The following FKBP11 variants were observed in gnomAD, a reference collection of about 807,000 sequenced individuals.
FKBP11 encodes the protein FKBP prolyl isomerase 11, also known as peptidyl-prolyl cis-trans isomerase FKBP11.
FKBP11 carries 21 observed loss-of-function variants against 24.7 expected under a neutral mutation model. That is an observed-to-expected ratio of 0.85 (90% CI 0.60 to 1.23). The LOEUF is 1.23. FKBP11 is among the 50% of genes most tolerant of loss of function. The pLI is 0.00. For synonymous variants in FKBP11, 106 were observed against 100.6 expected (o/e 1.05, Z -0.32); for missense variants, 245 against 248.7 (o/e 0.99, Z 0.10).
intron 5 of FKBP11, 176 bp downstream of exon 5, chr12:48,923,606 T>C: frequency 6.4e-7 from 1 of 1,553,476 alleles, no homozygotes; most frequent in Non-Finnish European, 8.7e-7. Flanking sequence ...CTTTAGTCCC[T>C]GTTGGTGATA....
At chr12:48,930,537 A>C (rs1940034555), upstream of FKBP11, among the ~76,000 whole-genome samples, 1 of 152,220 alleles carries the variant, frequency 6.6e-6, no homozygotes, top group East Asian at 1.9e-4. Flanking sequence ...TATTACACGA[A>C]TAAACAAGAT....
chr12:48,931,345 G>A (rs1050387993), upstream of FKBP11: 258 of 1,347,402 alleles, frequency 1.9e-4, 5 homozygotes, highest in South Asian at 2.4e-3. Flanking sequence ...GGGAAGAGGA[G>A]TGGAGTAGGA....
upstream of FKBP11, chr12:48,931,347 G>A: frequency 7.4e-7 from 1 of 1,358,650 alleles, no homozygotes; most frequent in South Asian, 1.3e-5. Flanking sequence ...GAAGAGGAGT[G>A]GAGTAGGAGA....
At chr12:48,926,396 TG>T (rs1413459494), upstream of FKBP11, 2 of 151,756 alleles carry the variant, frequency 1.3e-5, no homozygotes, top group Non-Finnish European at 2.9e-5. Context: ...GGCTAATTTT[TG>T]TATTTTTAGT....
chr12:48,936,341 A>G, the FKBP11 span: 4 of 152,842 alleles, frequency 2.6e-5, no homozygotes, highest in East Asian at 1.9e-4. Context: ...AGTTACCACT[A>G]TAACACCACA....
At chr12:48,938,300 G>C in the FKBP11 span, 5 of 441,458 alleles carry the variant, frequency 1.1e-5, no homozygotes, top group South Asian at 7.9e-5. Flanking sequence ...TCAAAGACTG[G>C]GGCAGTCCGG....
At chr12:48,926,224 CTTTTTTTTT>C (rs34896547), upstream of FKBP11, 2 of 85,788 alleles carry the variant, frequency 2.3e-5, no homozygotes, top group Admixed American at 1.9e-4. Flanking sequence ...AAAGACTTCA[CTTTTTTTTT>C]TTTTTTTTTT....
chr12:48,935,715 A>G, the FKBP11 span: 4 of 152,242 alleles, frequency 2.6e-5, no homozygotes, highest in African/African-American at 9.6e-5. Flanking sequence ...AGGTCATTAC[A>G]CTGCCCAGAC....
At chr12:48,932,931 A>G in the FKBP11 span, among the ~76,000 whole-genome samples, 1 of 152,200 alleles carries the variant, frequency 6.6e-6, no homozygotes, top group African/African-American at 2.4e-5. Flanking sequence ...CCCTCTGCAT[A>G]GATAGCCAGG....
chr12:48,924,426 A>C, intron 3 of FKBP11, 135 bp downstream of exon 3: 7 of 1,140,978 alleles, frequency 6.1e-6, no homozygotes, highest in Non-Finnish European at 9.1e-6. Flanking sequence ...TGAGGTTTGA[A>C]CCTCAGGAGG....
At chr12:48,925,176 G>A (rs765271996) in intron 1 of FKBP11, 65 bp from the exon 2 acceptor site, 182 of 1,595,376 alleles carry the variant, frequency 1.1e-4, no homozygotes, top group Non-Finnish European at 1.5e-4. Context: ...CCTAGACCCG[G>A]CACCACCCCC....
At chr12:48,924,061 C>G in intron 4 of FKBP11, 162 bp downstream of exon 4, 4 of 919,726 alleles carry the variant, frequency 4.3e-6, no homozygotes, top group Non-Finnish European at 7.0e-6. Context: ...GCAAGAGGCA[C>G]AGAGGCTTTG....
the FKBP11 span, chr12:48,938,905 T>C: frequency 1.9e-5 from 31 of 1,598,094 alleles, no homozygotes; most frequent in African/African-American, 4.2e-4. Flanking sequence ...ACAGTAGGTA[T>C]GTCAGGGGTG....
At chr12:48,922,324 A>C in intron 5 of FKBP11, 123 bp from the exon 6 acceptor site, 1 of 909,676 alleles carries the variant, frequency 1.1e-6, no homozygotes. Flanking sequence ...GACAAGATTT[A>C]AATGTGGGCT....
intron 2 of FKBP11, 28 bp downstream of exon 2, chr12:48,925,018 C>A: frequency 2.0e-6 from 3 of 1,484,488 alleles, no homozygotes; most frequent in Non-Finnish European, 2.8e-6. Context: ...CCCTCCCAGG[C>A]CCCGCCCCGG....
At chr12:48,922,389 T>C in intron 5 of FKBP11, 188 bp from the exon 6 acceptor site, 1 of 689,668 alleles carries the variant, frequency 1.4e-6, no homozygotes, top group South Asian at 2.9e-5. Flanking sequence ...CCAGTGATAA[T>C]CATGTTGACC....
intron 5 of FKBP11, chr12:48,923,321 G>A: frequency 7.0e-7 from 1 of 1,422,258 alleles, no homozygotes; most frequent in Non-Finnish European, 9.2e-7. Context: ...AAAGTTATGG[G>A]GCAGACTTGG....
At chr12:48,928,090 G>T (rs1021613306), upstream of FKBP11, among the ~76,000 whole-genome samples, 9 of 128,924 alleles carry the variant, frequency 7.0e-5, 1 homozygote, top group Admixed American at 6.5e-4. Context: ...TGTCATCCAG[G>T]CTGGAGTATA....
Position 48,924,674 on chromosome 12 carries a change from T to A in FKBP11, c.196-26A>T, listed in dbSNP as rs747359905. ...CTGGGGGGAGAGAGCATCAAGAGCA[T>A]ACATCTAGCACCCTCTCCCTCCCAG... On this transcript the variant is annotated intron_variant, in intron 2 of 5. Coordinates refer to ENST00000550765, the MANE Select transcript of FKBP11 (RefSeq NM_016594.3). 3 of 1,607,704 alleles carry A rather than the reference T, an allele frequency of 1.9e-6. No homozygotes were observed. In the South Asian group the frequency reaches 3.3e-5, roughly 18 times the overall value.
Sources: gnomAD v4.1 joint callset for allele counts (sites outside exome capture counted in the v4.1 genomes callset) on GRCh38, gnomAD v4.1.1 for gene constraint, MANE v1.5 for transcripts, NCBI Gene and HGNC (gene_info 2026-07-23, HGNC 2026-07-21) for gene names.